The following TUBGCP3 variants were observed in gnomAD, a reference collection of about 807,000 sequenced individuals.
TUBGCP3 encodes gamma-tubulin complex component 3.
A neutral mutation model predicts 123.1 loss-of-function variants in TUBGCP3; 50 were observed. The ratio of observed to expected loss-of-function variants is 0.41; its 90% CI spans 0.32 to 0.51. The LOEUF (loss-of-function observed/expected upper bound fraction) is 0.51, where lower values mean the gene tolerates loss of function less well. Among genes scored for constraint, TUBGCP3 ranks in the 20% least tolerant of loss-of-function variants. The pLI is 0.36. For missense variants in TUBGCP3, 882 were observed against 1,127.0 expected (o/e 0.78, Z 3.11); for synonymous variants, 405 against 413.9 (o/e 0.98, Z 0.26).
Position 112,541,289 on chromosome 13 carries a change from C to A in TUBGCP3, c.1335+4410G>T, listed in dbSNP as rs1466123975. ...AGGCGTGGTGGCTCTCGCCTGTAATCCCAACACTTTGGGAGGCCGAGGCGG... is the reference window on the plus strand; with the variant it reads ...AGGCGTGGTGGCTCTCGCCTGTAATACCAACACTTTGGGAGGCCGAGGCGG... On this transcript the variant is annotated intron_variant, in intron 11 of 21. Transcript: ENST00000261965. 7.2e-5 allele frequency among the ~76,000 whole-genome samples: 11 copies of A among 152,300 alleles called. No individual in the cohort carries two copies. The East Asian group carries it at 2.1e-3, about 29-fold the overall frequency.
intron 19 of TUBGCP3, among the ~76,000 whole-genome samples, chr13:112,503,558 G>A (rs866442483): frequency 2.0e-5 from 3 of 152,008 alleles, no homozygotes; most frequent in Non-Finnish European, 4.4e-5. Context: ...AGTAGAGACA[G>A]GGTTTCACCA....
intron 3 of TUBGCP3, among the ~76,000 whole-genome samples, chr13:112,563,144 A>G (rs908460865): frequency 2.6e-5 from 4 of 152,176 alleles, no homozygotes; most frequent in Non-Finnish European, 5.9e-5. Context: ...CTCCACGTCA[A>G]CCTGGACCCT....
At chr13:112,554,783 T>C (rs537371201) in intron 7 of TUBGCP3, 104 bp downstream of exon 7, 1 of 758,436 alleles carries the variant, frequency 1.3e-6, no homozygotes, top group South Asian at 1.8e-5. Context: ...CACAACCGAT[T>C]CGCAAAACCC....
At chr13:112,575,012 G>A (rs573032541) in intron 1 of TUBGCP3, among the ~76,000 whole-genome samples, 1 of 152,238 alleles carries the variant, frequency 6.6e-6, no homozygotes, top group East Asian at 1.9e-4. Context: ...TACCTTCAGG[G>A]GCACCCCCGC....
Position 112,545,424 on chromosome 13 carries a change from C to T in TUBGCP3, c.1335+275G>A. The T allele has an allele frequency of 2.7e-6, 1 of 371,222 alleles. No individual in the cohort carries two copies. Among genetic ancestry groups the T allele is most frequent in the East Asian group, 4.4e-5 (1 of 22,558 alleles). The allele number at this position is 371,222 out of a possible 1,614,324, so 23.0% of individuals were successfully genotyped here. A position where few individuals can be genotyped will look rare whatever the true frequency, so the allele number is the denominator to read the frequency against. ...CTCAGGAGGCCTCGTCCTGTTTTGC[C>T]ATCCACGTGCTAGTAAACTCGGACG... On this transcript the variant is annotated intron_variant, in intron 11 of 21. Transcript: ENST00000261965. This position sits in a 1 kb window ranked among gnomAD's most constrained non-coding sequence, Gnocchi z 4.1.
intron 5 of TUBGCP3, 77 bp downstream of exon 5, chr13:112,558,119 T>C (rs754591091): frequency 7.6e-5 from 111 of 1,469,822 alleles, no homozygotes; most frequent in Non-Finnish European, 1.0e-4. Flanking sequence ...TGGGTGAACA[T>C]CAATGTCTGG....
chr13:112,504,846 G>C (rs1421330857), intron 17 of TUBGCP3, 132 bp from the exon 18 acceptor site: 3 of 714,806 alleles, frequency 4.2e-6, no homozygotes, highest in Non-Finnish European at 7.2e-6. Flanking sequence ...CCCTTAACAG[G>C]AAACAACCTC....
At chr13:112,506,197 A>G (rs1881295612) in intron 17 of TUBGCP3, among the ~76,000 whole-genome samples, 1 of 152,158 alleles carries the variant, frequency 6.6e-6, no homozygotes. Flanking sequence ...AAAGAGAGGG[A>G]TGACACACTG....
chr13:112,533,155 G>A (rs913510253), intron 11 of TUBGCP3, among the ~76,000 whole-genome samples: 1 of 152,322 alleles, frequency 6.6e-6, no homozygotes, highest in Non-Finnish European at 1.5e-5. Context: ...CAGAGAGACC[G>A]AGAGGTCCCT....
intron 19 of TUBGCP3, 25 bp from the exon 20 acceptor site, chr13:112,499,210 G>A: frequency 6.3e-6 from 10 of 1,575,430 alleles, no homozygotes; most frequent in Non-Finnish European, 8.6e-6. Context: ...AATGTTTTAT[G>A]AATAGAGCCT....
chr13:112,488,958 C>A (rs1157575933), intron 21 of TUBGCP3, among the ~76,000 whole-genome samples: 1 of 140,332 alleles, frequency 7.1e-6, no homozygotes, highest in Non-Finnish European at 1.6e-5. Context: ...TCCCCACACC[C>A]ACCACAGGGG....
intron 20 of TUBGCP3, 82 bp downstream of exon 20, chr13:112,498,963 T>G: frequency 6.2e-7 from 1 of 1,614,226 alleles, no homozygotes; most frequent in Non-Finnish European, 8.5e-7. Context: ...GCAAGAAAGT[T>G]ATTTGTTGGC....
chr13:112,501,609 T>C (rs1880909397), intron 19 of TUBGCP3, among the ~76,000 whole-genome samples: 1 of 152,258 alleles, frequency 6.6e-6, no homozygotes, highest in Admixed American at 6.5e-5. Flanking sequence ...ATAAAAATGT[T>C]ATACTTAAAA....
At chr13:112,572,406 G>A (rs1015544283) in intron 1 of TUBGCP3, among the ~76,000 whole-genome samples, 47 of 152,164 alleles carry the variant, frequency 3.1e-4, no homozygotes, top group African/African-American at 1.0e-3. Flanking sequence ...CGTCCTCTAA[G>A]TTCCCGCCCC....
chr13:112,556,233 A>G lies in TUBGCP3; in HGVS notation c.549-9T>C, dbSNP rs1444489030. On this transcript the variant is annotated splice_polypyrimidine_tract_variant and intron_variant, in intron 5 of 21. Transcript: ENST00000261965. ...GAGCTTGATTAGACTGTCTAAAAAA[A>G]GAAACATGTATTATCTTCTAATAGG... is the stretch of plus-strand genomic sequence containing the variant. 6.2e-7 allele frequency: 1 copy of G among 1,610,266 alleles called. No individual in the cohort carries two copies. The highest frequency in any genetic ancestry group is 2.2e-5 in the East Asian group (1 of 44,746).
chr13:112,542,757 A>C (rs1878628945), intron 11 of TUBGCP3, among the ~76,000 whole-genome samples: 1 of 152,214 alleles, frequency 6.6e-6, no homozygotes, highest in Admixed American at 6.5e-5. Context: ...GGGTACTGAT[A>C]AGTGCTACTT....
chr13:112,527,248 C>T (rs1357100871), intron 12 of TUBGCP3, 126 bp downstream of exon 12: 3 of 775,922 alleles, frequency 3.9e-6, no homozygotes, highest in South Asian at 1.8e-5. Flanking sequence ...CATGCACTTA[C>T]TTCATCTCCA....
chr13:112,529,333 A>G (rs1172118232), intron 11 of TUBGCP3, among the ~76,000 whole-genome samples: 2 of 152,232 alleles, frequency 1.3e-5, no homozygotes, highest in Admixed American at 1.3e-4. Context: ...GGAATTGTTA[A>G]TATCACCAGA....
At chr13:112,574,269 G>A (rs558678932) in intron 1 of TUBGCP3, among the ~76,000 whole-genome samples, 8 of 146,086 alleles carry the variant, frequency 5.5e-5, no homozygotes, top group Admixed American at 4.8e-4. Flanking sequence ...CTCACAGTGT[G>A]GCTTCCCCTG....
Sources: gnomAD v4.1 joint callset for allele counts (sites outside exome capture counted in the v4.1 genomes callset) on GRCh38, gnomAD v4.1.1 for gene constraint, Gnocchi (gnomAD v3.1) non-coding constraint, MANE v1.5 for transcripts, NCBI Gene and HGNC (gene_info 2026-07-23, HGNC 2026-07-21) for gene names.